The following RYR3 variants were observed in gnomAD, a reference collection of about 807,000 sequenced individuals.
The protein encoded by RYR3 is ryanodine receptor 3.
Under a neutral mutation model 584.3 loss-of-function variants are expected in RYR3, and 207 were observed. The observed-to-expected ratio is 0.35, with a 90% CI of 0.32 to 0.40. The LOEUF (loss-of-function observed/expected upper bound fraction) is 0.40, where lower values mean the gene tolerates loss of function less well. RYR3 is among the 10% of genes least tolerant of loss of function. The pLI, the probability that RYR3 is intolerant of heterozygous loss-of-function variation, is 1.00. For missense variants in RYR3, 5,616 were observed against 6,089.2 expected (o/e 0.92, Z 2.59); for synonymous variants, 2,416 against 2,248.5 (o/e 1.07, Z -2.11).
intron 1 of RYR3, among the ~76,000 whole-genome samples, chr15:33,331,047 G>T (rs2245714): frequency 0.37 from 55,809 of 151,012 alleles, 10,710 homozygotes; most frequent in East Asian, 0.43. Flanking sequence ...TGTTTGTTTG[G>T]TTGGTTGGTT....
chr15:33,818,913 C>T (rs1006726020), intron 76 of RYR3, among the ~76,000 whole-genome samples: 1 of 152,206 alleles, frequency 6.6e-6, no homozygotes, highest in African/African-American at 2.4e-5. Flanking sequence ...CATCTGAGGG[C>T]AGGAGTTCGA....
chr15:33,560,747 G>C (rs1005888951), intron 10 of RYR3, among the ~76,000 whole-genome samples: 1 of 151,788 alleles, frequency 6.6e-6, no homozygotes, highest in Admixed American at 6.6e-5. Context: ...TTGTTTTATA[G>C]GATAAATGCA....
chr15:33,747,550 G>A (rs1305874446), intron 53 of RYR3, among the ~76,000 whole-genome samples: 1 of 150,918 alleles, frequency 6.6e-6, no homozygotes, highest in African/African-American at 2.4e-5. Flanking sequence ...TTAGCCTCCC[G>A]AGTAGCTGGG....
intron 1 of RYR3, among the ~76,000 whole-genome samples, chr15:33,372,725 C>T (rs1445765381): frequency 4.6e-5 from 7 of 152,044 alleles, no homozygotes; most frequent in African/African-American, 1.5e-4. Context: ...AGGCTGGTCT[C>T]GAACTCCTGA....
intron 2 of RYR3, among the ~76,000 whole-genome samples, chr15:33,484,086 T>A (rs1454704720): frequency 6.6e-6 from 1 of 152,122 alleles, no homozygotes; most frequent in African/African-American, 2.4e-5. Flanking sequence ...AGAGGATTAT[T>A]TTGCTATAGG....
chr15:33,440,971 G>T (rs769315043), intron 1 of RYR3, among the ~76,000 whole-genome samples: 1 of 152,224 alleles, frequency 6.6e-6, no homozygotes, highest in Non-Finnish European at 1.5e-5. Context: ...GCTCTTTCTT[G>T]TGGTGGTAAC....
At position 33,865,381 on chromosome 15, in the gene RYR3, A is replaced by G. The variant is rs1345901026; in HGVS notation, c.*155A>G. The G allele has an allele frequency of 8.0e-6, 5 of 622,820 alleles. No homozygotes were observed. The Admixed American group carries it at 1.5e-4, about 19-fold the overall frequency. 38.6% of individuals were successfully genotyped at this position (622,820 alleles called of 1,614,324 possible). A position where few individuals can be genotyped will look rare whatever the true frequency, so the allele number is the denominator to read the frequency against. ...GAAAATCTGTGCTATTTTGAAATTGATTTGGCTTTTTGTGCCTAATGGACA... is the reference window on the plus strand; with the variant it reads ...GAAAATCTGTGCTATTTTGAAATTGGTTTGGCTTTTTGTGCCTAATGGACA... On this transcript the variant is annotated 3_prime_UTR_variant, in exon 104 of 104. Coordinates refer to ENST00000634891, the MANE Select transcript of RYR3 (RefSeq NM_001036.6).
At chr15:33,407,222 A>T (rs562379688) in intron 1 of RYR3, among the ~76,000 whole-genome samples, 35 of 152,340 alleles carry the variant, frequency 2.3e-4, no homozygotes, top group Admixed American at 1.4e-3. Flanking sequence ...ACCTCTTAAT[A>T]CCACCACTGT....
At chr15:33,607,477 G>C (rs1241638808) in intron 18 of RYR3, among the ~76,000 whole-genome samples, 1 of 152,110 alleles carries the variant, frequency 6.6e-6, no homozygotes, top group Non-Finnish European at 1.5e-5. Flanking sequence ...GGTCTCTAGA[G>C]TTATTCAGAG....
At chr15:33,334,852 A>G (rs1970771437) in intron 1 of RYR3, among the ~76,000 whole-genome samples, 1 of 152,192 alleles carries the variant, frequency 6.6e-6, no homozygotes, top group Non-Finnish European at 1.5e-5. Context: ...AAACCCCATT[A>G]AACAGTGGGC....
chr15:33,598,935 G>A (rs1461707054), intron 16 of RYR3, among the ~76,000 whole-genome samples: 1 of 151,994 alleles, frequency 6.6e-6, no homozygotes, highest in Non-Finnish European at 1.5e-5. Flanking sequence ...GGTGCCTGTA[G>A]TCCCAGCTAC....
chr15:33,326,998 G>T (rs193142749), intron 1 of RYR3, among the ~76,000 whole-genome samples: 16 of 118,520 alleles, frequency 1.3e-4, no homozygotes, highest in African/African-American at 5.1e-4. Flanking sequence ...AAGCCTTAGG[G>T]TGTAGTTTAA....
chr15:33,503,118 A>C (rs1567387625), intron 2 of RYR3, among the ~76,000 whole-genome samples: 1 of 152,216 alleles, frequency 6.6e-6, no homozygotes, highest in South Asian at 2.1e-4. Flanking sequence ...TCCTTTGATT[A>C]TGCTATATTT....
chr15:33,521,851 A>G (rs1466550049), intron 3 of RYR3, among the ~76,000 whole-genome samples: 1 of 152,252 alleles, frequency 6.6e-6, no homozygotes, highest in East Asian at 1.9e-4. Context: ...CTGTCTTTTT[A>G]GTAAGGCAAC....
chr15:33,647,347 T>C (rs2062157105), intron 29 of RYR3, 77 bp from the exon 30 acceptor site: 2 of 1,111,898 alleles, frequency 1.8e-6, no homozygotes, highest in Non-Finnish European at 1.4e-6. Flanking sequence ...TCATTGAAGG[T>C]AGATCAAGTT....
intron 1 of RYR3, among the ~76,000 whole-genome samples, chr15:33,438,098 G>A (rs928429461): frequency 3.3e-5 from 5 of 152,118 alleles, no homozygotes; most frequent in African/African-American, 1.2e-4. Context: ...AGACAGAAAC[G>A]ATGTGATGTT....
intron 84 of RYR3, 51 bp from the exon 85 acceptor site, chr15:33,827,148 G>GC (rs2077419886): frequency 8.3e-6 from 12 of 1,440,140 alleles, no homozygotes; most frequent in Non-Finnish European, 1.1e-5. Context: ...GGCATGCTTG[G>GC]CCCCCTCGGC....
chr15:33,810,168 T>A (rs193242300), intron 70 of RYR3, among the ~76,000 whole-genome samples: 3 of 152,312 alleles, frequency 2.0e-5, no homozygotes, highest in African/African-American at 7.2e-5. Flanking sequence ...AGTTAACAAA[T>A]CATTCTTTTT....
chr15:33,788,213 C>A lies in RYR3; in HGVS notation c.9590-5C>A. The A allele has an allele frequency of 6.2e-7, 1 of 1,613,634 alleles. No individual in the cohort carries two copies. Among genetic ancestry groups the A allele is most frequent in the Non-Finnish European group, 8.5e-7 (1 of 1,179,708 alleles). On this transcript the variant is annotated splice_region_variant and splice_polypyrimidine_tract_variant and intron_variant, in intron 66 of 103. Coordinates refer to ENST00000634891, the MANE Select transcript of RYR3 (RefSeq NM_001036.6). Reference sequence around the variant, plus strand: ...AAATGACGGGGAGGCTCTTTGTAAACGCAGTGTATGCACAGCCCATCATCA... The same window carrying A: ...AAATGACGGGGAGGCTCTTTGTAAAAGCAGTGTATGCACAGCCCATCATCA...
Sources: gnomAD v4.1 joint callset for allele counts (sites outside exome capture counted in the v4.1 genomes callset) on GRCh38, gnomAD v4.1.1 for gene constraint, MANE v1.5 for transcripts, NCBI Gene and HGNC (gene_info 2026-07-23, HGNC 2026-07-21) for gene names.